Variants in ALLC observed in about 807,000 individuals in gnomAD.
ALLC encodes the protein allantoicase, also known as probable inactive allantoicase.
In ALLC, 40 loss-of-function variants were observed where a neutral mutation model predicts 45.0. The ratio of observed to expected loss-of-function variants is 0.89; its 90% CI spans 0.69 to 1.16. The LOEUF is 1.16. Among genes scored for constraint, ALLC ranks in the 50% most tolerant of loss-of-function variants. The pLI is 0.00. For missense variants in ALLC, 488 were observed against 493.1 expected, an observed-to-expected ratio of 0.99 and a Z score of 0.10; for synonymous variants, 176 against 178.1, an observed-to-expected ratio of 0.99 and a Z score of 0.09.
chr2:3,682,684 C>A (rs897355130), intron 6 of ALLC, among the ~76,000 whole-genome samples: 4 of 152,116 alleles, frequency 2.6e-5, no homozygotes, highest in Non-Finnish European at 5.9e-5. Context: ...CGCCACCACG[C>A]CCGGCTAATT....
chr2:3,665,902 C>T (rs1666692705), intron 1 of ALLC, among the ~76,000 whole-genome samples: 1 of 152,144 alleles, frequency 6.6e-6, no homozygotes, highest in South Asian at 2.1e-4. Context: ...TGGGGCTACA[C>T]AGAGTGAAGT....
intron 7 of ALLC, among the ~76,000 whole-genome samples, chr2:3,687,055 A>C (rs1465495270): frequency 6.6e-6 from 1 of 150,782 alleles, no homozygotes; most frequent in Non-Finnish European, 1.5e-5. Context: ...ATTAAGTATG[A>C]TGTTACCTGT....
chr2:3,667,078 G>A (rs11674801), intron 1 of ALLC, among the ~76,000 whole-genome samples: 3,023 of 152,286 alleles, frequency 0.02, 91 homozygotes, highest in African/African-American at 0.068. Flanking sequence ...CAGCTCCTGT[G>A]GTTCCCTGGA....
upstream of ALLC, among the ~76,000 whole-genome samples, chr2:3,656,722 T>C (rs927388878): frequency 2.0e-5 from 3 of 152,146 alleles, no homozygotes; most frequent in Non-Finnish European, 2.9e-5. Flanking sequence ...AATCTGCACT[T>C]TAACCAGCTC....
Position 3,702,593 on chromosome 2 carries a change from A to G in ALLC, c.*30A>G, listed in dbSNP as rs768009937. The G allele has an allele frequency of 7.5e-5, 113 of 1,505,642 alleles. No individual in the cohort carries two copies. The highest frequency in any genetic ancestry group is 9.9e-5 in the Non-Finnish European group (112 of 1,127,910). 93.3% of individuals were successfully genotyped at this position (1,505,642 alleles called of 1,614,324 possible). On this transcript the variant is annotated 3_prime_UTR_variant, in exon 12 of 12. Coordinates refer to ENST00000252505, the MANE Select transcript of ALLC (RefSeq NM_018436.4). Reference sequence around the variant, plus strand: ...CACAAAGCCCCGGTGTCGGACACACAGCAGTAATTTCCCAGTCATAGTCTT... The same window carrying G: ...CACAAAGCCCCGGTGTCGGACACACGGCAGTAATTTCCCAGTCATAGTCTT...
chr2:3,666,588 T>A (rs1666731024), intron 1 of ALLC, among the ~76,000 whole-genome samples: 1 of 152,122 alleles, frequency 6.6e-6, no homozygotes, highest in Non-Finnish European at 1.5e-5. Context: ...AGGCAGATAA[T>A]AAATATATAT....
Position 3,679,853 on chromosome 2 carries a change from C to T in ALLC, c.173-16C>T. 1 of 1,613,592 alleles carries T rather than the reference C, an allele frequency of 6.2e-7. No individual in the cohort carries two copies. The highest frequency in any genetic ancestry group is 8.5e-7 in the Non-Finnish European group (1 of 1,179,820). On this transcript the variant is annotated splice_polypyrimidine_tract_variant and intron_variant, in intron 4 of 11. Coordinates refer to ENST00000252505, the MANE Select transcript of ALLC (RefSeq NM_018436.4). The stretch of plus-strand genomic sequence containing the variant: ...TTGGCCCTAACGAGACTGCTCTTGT[C>T]CTCTGTGTTGCGCAGGTCACGACTG...
intron 1 of ALLC, among the ~76,000 whole-genome samples, chr2:3,663,801 C>T (rs1463803118): frequency 6.6e-6 from 1 of 152,174 alleles, no homozygotes; most frequent in Non-Finnish European, 1.5e-5. Context: ...TTTTCTATAA[C>T]ATGCACAAAC....
At position 3,684,175 on chromosome 2, in the gene ALLC, C is replaced by T. The variant is rs554361280; in HGVS notation, c.511+1101C>T. Among the ~76,000 whole-genome samples, 29 of 152,124 alleles carry T rather than the reference C, an allele frequency of 1.9e-4. No homozygotes were observed. In the South Asian group the frequency reaches 3.3e-3, roughly 17 times the overall value. On this transcript the variant is annotated intron_variant, in intron 7 of 11. Transcript: ENST00000252505. ...TGTTTGAAGAATTACTAGGCTTTTCCGAAAGTGCTGCACTATTTTACATTC... is the reference window on the plus strand; with the variant it reads ...TGTTTGAAGAATTACTAGGCTTTTCTGAAAGTGCTGCACTATTTTACATTC...
chr2:3,653,387 C>T (rs1275602055), upstream of ALLC, among the ~76,000 whole-genome samples: 2 of 152,142 alleles, frequency 1.3e-5, no homozygotes, highest in East Asian at 1.9e-4. This position sits in a 1 kb window ranked among gnomAD's most constrained non-coding sequence, Gnocchi z 4.1. Flanking sequence ...TCCATTGTGG[C>T]AGGGTTTGGA....
At chr2:3,682,853 C>T in intron 6 of ALLC, 89 bp from the exon 7 acceptor site, 1 of 1,390,114 alleles carries the variant, frequency 7.2e-7, no homozygotes, top group Non-Finnish European at 1.0e-6. Flanking sequence ...TCCAAAGTAT[C>T]TCCACACCTT....
At chr2:3,675,596 A>G (rs1037013549) in intron 3 of ALLC, among the ~76,000 whole-genome samples, 8 of 145,218 alleles carry the variant, frequency 5.5e-5, no homozygotes, top group Non-Finnish European at 8.9e-5. Flanking sequence ...ATATATATAT[A>G]TATACACACA....
chr2:3,697,482 C>A, intron 10 of ALLC, 26 bp downstream of exon 10: 2 of 1,572,582 alleles, frequency 1.3e-6, no homozygotes, highest in South Asian at 2.2e-5. Flanking sequence ...TAAAGAAGTA[C>A]CCTATAATTG....
In ALLC at chr2:3,674,121, TA is replaced by T. The variant is rs1666961870; in HGVS notation, c.83del (p.Lys28ArgfsTer100). On this transcript the variant is annotated frameshift_variant, in exon 3 of 12. Transcript: ENST00000252505. LOFTEE classifies it high-confidence loss of function. ...DDFFAPAENL[I>X]KSDSPCFKEH... ...TTTTTTGCTCCTGCAGAAAACCTCATAAAGGTATTGTAAATTGACATTCTGC... is the reference window on the plus strand; with the variant it reads ...TTTTTTGCTCCTGCAGAAAACCTCATAAGGTATTGTAAATTGACATTCTGC... 1 of 1,560,720 alleles carries T rather than the reference TA, an allele frequency of 6.4e-7. No homozygotes were observed. The highest frequency in any genetic ancestry group is 1.2e-5 in the South Asian group (1 of 84,966).
intron 1 of ALLC, among the ~76,000 whole-genome samples, chr2:3,660,766 G>GA (rs1192291992): frequency 1.3e-5 from 2 of 152,038 alleles, no homozygotes; most frequent in Non-Finnish European, 2.9e-5. Context: ...GGTTTGGTGG[G>GA]AAAAATGGTT....
chr2:3,682,963 T>C lies in ALLC; in HGVS notation c.400T>C (p.Tyr134His). ...CTAGCTAAAATCCGACGACTGGAGT[T>C]ACTTGGTTCCCATGACTGAGCTTAA... ...IAELKSDDWS[Y>H]LVPMTELKPG... The change falls in exon 7 of 12, where the codon TAC (tyrosine) becomes CAC (histidine). Residue 134 changes from tyrosine to histidine, a missense_variant. Tyr to His is a moderately conservative substitution (Grantham distance 83). Coordinates refer to ENST00000252505, the MANE Select transcript of ALLC (RefSeq NM_018436.4). 8 of 1,613,180 alleles carry C rather than the reference T, an allele frequency of 5.0e-6. No homozygotes were observed. Among genetic ancestry groups the C allele is most frequent in the Non-Finnish European group, 6.8e-6 (8 of 1,179,732 alleles).
At chr2:3,660,793 A>T (rs9750735) in intron 1 of ALLC, among the ~76,000 whole-genome samples, 66,551 of 150,342 alleles carry the variant, frequency 0.44, 17,595 homozygotes, top group African/African-American at 0.76. Flanking sequence ...GAGCAGGAAA[A>T]CGGAATGAGT....
intron 7 of ALLC, chr2:3,687,875 G>A (rs1667369873): frequency 6.6e-6 from 1 of 150,902 alleles, no homozygotes; most frequent in African/African-American, 2.4e-5. Context: ...TGGAAACTGT[G>A]TCAGGGGGAG....
At chr2:3,665,221 C>G (rs926266771) in intron 1 of ALLC, among the ~76,000 whole-genome samples, 3 of 151,896 alleles carry the variant, frequency 2.0e-5, no homozygotes, top group Middle Eastern at 3.2e-3. Flanking sequence ...TGAAGACGAG[C>G]TTTTATTTAT....
Sources: allele counts gnomAD v4.1 joint callset (sites outside exome capture counted in the v4.1 genomes callset), GRCh38; gene constraint gnomAD v4.1.1; non-coding constraint Gnocchi (gnomAD v3.1); transcripts MANE v1.5; gene names NCBI Gene and HGNC (gene_info 2026-07-23, HGNC 2026-07-21).